TTLL5: variants seen among roughly 807,000 people sequenced by gnomAD.
The protein encoded by TTLL5 is tubulin polyglutamylase TTLL5.
Under a neutral mutation model 168.4 loss-of-function variants are expected in TTLL5, and 132 were observed. That is an observed-to-expected ratio of 0.78 (90% CI 0.68 to 0.91). TTLL5 has a LOEUF of 0.91. Ranked by LOEUF, TTLL5 falls within the 40% of genes least tolerant of loss-of-function variation. TTLL5 has a pLI of 0.00. For missense variants in TTLL5, 1,545 were observed against 1,581.5 expected (o/e 0.98, Z 0.39); for synonymous variants, 546 against 558.6 (o/e 0.98, Z 0.32).
intron 27 of TTLL5, among the ~76,000 whole-genome samples, chr14:75,793,626 G>GT (rs1331619741): frequency 6.6e-6 from 1 of 152,166 alleles, no homozygotes; most frequent in African/African-American, 2.4e-5. Flanking sequence ...GCTGAAATAA[G>GT]TGATGTGATC....
intron 28 of TTLL5, among the ~76,000 whole-genome samples, chr14:75,861,022 A>G (rs1235053674): frequency 6.6e-6 from 1 of 152,242 alleles, no homozygotes; most frequent in Non-Finnish European, 1.5e-5. Context: ...CTCTTGGGAA[A>G]GATCATGCCC....
chr14:75,948,453 G>A (rs558970051), intron 31 of TTLL5, among the ~76,000 whole-genome samples: 10 of 151,832 alleles, frequency 6.6e-5, no homozygotes, highest in African/African-American at 2.4e-4. Flanking sequence ...CCATTGCACT[G>A]CAGCCTGGGT....
intron 31 of TTLL5, among the ~76,000 whole-genome samples, chr14:75,910,494 C>T (rs2033330761): frequency 6.6e-6 from 1 of 152,232 alleles, no homozygotes; most frequent in Admixed American, 6.5e-5. Flanking sequence ...GATCTGTTCA[C>T]TGTGGTTATC....
At chr14:75,869,001 TGAGAG>T (rs2030771853) in intron 29 of TTLL5, among the ~76,000 whole-genome samples, 1 of 134,354 alleles carries the variant, frequency 7.4e-6, no homozygotes, top group Non-Finnish European at 1.6e-5. Context: ...ACTGGGGACA[TGAGAG>T]GGGAGGAGTG....
chr14:75,873,375 TC>T (rs2031207723), intron 29 of TTLL5, among the ~76,000 whole-genome samples: 1 of 152,138 alleles, frequency 6.6e-6, no homozygotes, highest in Non-Finnish European at 1.5e-5. Context: ...CGCCCGGCCC[TC>T]CAGAACTTTT....
intron 18 of TTLL5, among the ~76,000 whole-genome samples, chr14:75,762,632 C>A (rs1890722429): frequency 3.3e-5 from 5 of 152,068 alleles, no homozygotes; most frequent in Admixed American, 3.3e-4. Flanking sequence ...ACCCAGCATT[C>A]CCTATCCTCT....
chr14:75,848,770 A>C (rs1896690096), intron 28 of TTLL5, among the ~76,000 whole-genome samples: 1 of 152,250 alleles, frequency 6.6e-6, no homozygotes. Flanking sequence ...CTCTATCTCC[A>C]TAACCAGCTC....
chr14:75,786,003 A>G (rs1007286384), intron 26 of TTLL5, among the ~76,000 whole-genome samples: 1 of 152,244 alleles, frequency 6.6e-6, no homozygotes, highest in Admixed American at 6.5e-5. Context: ...TAGCTATGTT[A>G]AGGTGAGTTA....
intron 12 of TTLL5, among the ~76,000 whole-genome samples, chr14:75,728,689 C>CATG (rs1888343591): frequency 6.6e-6 from 1 of 151,738 alleles, no homozygotes; most frequent in Non-Finnish European, 1.5e-5. Context: ...TCATCATCAT[C>CATG]ATCGTCATAT....
chr14:75,928,948 T>G (rs995280108), intron 31 of TTLL5, among the ~76,000 whole-genome samples: 2 of 152,210 alleles, frequency 1.3e-5, no homozygotes, highest in African/African-American at 4.8e-5. Flanking sequence ...TAAATCCATT[T>G]TTCTTTTAAG....
chr14:75,944,834 G>A (rs1016606878), intron 31 of TTLL5, among the ~76,000 whole-genome samples: 1 of 152,180 alleles, frequency 6.6e-6, no homozygotes, highest in African/African-American at 2.4e-5. Context: ...CAGGAGTTGG[G>A]GGAGTGGGCT....
Position 75,681,942 on chromosome 14 carries a change from C to G in TTLL5, c.264+315C>G, listed in dbSNP as rs190070498. ...CTTTGATTGCAGGCAACTGAACAGACTTTGCTTAACTTGAAATGGCAGGTG... is the reference window on the plus strand; with the variant it reads ...CTTTGATTGCAGGCAACTGAACAGAGTTTGCTTAACTTGAAATGGCAGGTG... On this transcript the variant is annotated intron_variant, in intron 4 of 31. Coordinates refer to ENST00000298832, the MANE Select transcript of TTLL5 (RefSeq NM_015072.5). Among the ~76,000 whole-genome samples, 649 of 152,138 alleles carry G rather than the reference C, an allele frequency of 4.3e-3. 3 individuals carry two copies. The highest frequency in any genetic ancestry group is 0.015 in the African/African-American group (628 of 41,512).
At chr14:75,910,049 A>G (rs941133220) in intron 31 of TTLL5, among the ~76,000 whole-genome samples, 4 of 152,274 alleles carry the variant, frequency 2.6e-5, no homozygotes, top group African/African-American at 7.2e-5. Flanking sequence ...AAAGGGGTTC[A>G]TTGGCCTTGA....
intron 27 of TTLL5, among the ~76,000 whole-genome samples, chr14:75,816,136 G>A (rs1894377040): frequency 6.6e-6 from 1 of 152,154 alleles, no homozygotes; most frequent in Admixed American, 6.5e-5. Flanking sequence ...GGGATTGCTT[G>A]GGGTTAAATG....
intron 28 of TTLL5, among the ~76,000 whole-genome samples, chr14:75,832,926 GCT>G (rs1425336507): frequency 6.6e-6 from 1 of 152,130 alleles, no homozygotes; most frequent in Non-Finnish European, 1.5e-5. Context: ...CCCAGGCTGA[GCT>G]CTCTCTTTTA....
intron 24 of TTLL5, among the ~76,000 whole-genome samples, chr14:75,782,224 G>T (rs1047329246): frequency 1.3e-5 from 2 of 151,932 alleles, no homozygotes; most frequent in South Asian, 4.2e-4. Context: ...TTGGCTGTCC[G>T]TGGATGGCTG....
chr14:75,935,700 A>G (rs1309016160), intron 31 of TTLL5, among the ~76,000 whole-genome samples: 2 of 152,170 alleles, frequency 1.3e-5, no homozygotes, highest in African/African-American at 4.8e-5. Context: ...AAAAAAACCC[A>G]ACCCACTGTA....
At chr14:75,666,298 C>G (rs1244582753) in intron 2 of TTLL5, among the ~76,000 whole-genome samples, 1 of 152,202 alleles carries the variant, frequency 6.6e-6, no homozygotes. Context: ...AGTATTAATT[C>G]CTTGCAATCG....
chr14:75,839,964 AC>A (rs1896132088), intron 28 of TTLL5, among the ~76,000 whole-genome samples: 1 of 152,070 alleles, frequency 6.6e-6, no homozygotes, highest in Non-Finnish European at 1.5e-5. Flanking sequence ...TGGCTATTAA[AC>A]CCTCAACAGA....
Sources: allele counts gnomAD v4.1 joint callset (sites outside exome capture counted in the v4.1 genomes callset), GRCh38; gene constraint gnomAD v4.1.1; transcripts MANE v1.5; gene names NCBI Gene and HGNC (gene_info 2026-07-23, HGNC 2026-07-21).